Variants in DOCK4 observed in about 807,000 individuals in gnomAD.
DOCK4 encodes dedicator of cytokinesis protein 4.
DOCK4 carries 97 observed loss-of-function variants against 268.1 expected under a neutral mutation model. That is an observed-to-expected ratio of 0.36 (90% confidence interval 0.31 to 0.43). DOCK4 has a LOEUF of 0.43. Ranked by LOEUF, DOCK4 falls within the 20% of genes least tolerant of loss-of-function variation. The pLI is 1.00. For missense variants in DOCK4, 2,145 were observed against 2,455.7 expected, an observed-to-expected ratio of 0.87 and a Z score of 2.67; for synonymous variants, 954 against 887.2, an observed-to-expected ratio of 1.08 and a Z score of -1.34.
intron 30 of DOCK4, among the ~76,000 whole-genome samples, chr7:111,800,223 TA>T (rs562610418): frequency 1.6e-3 from 219 of 138,586 alleles, no homozygotes; most frequent in African/African-American, 1.9e-3. Flanking sequence ...ATACTTGTCC[TA>T]AAAAAAAAAA....
At chr7:112,161,911 C>CA (rs1737600388) in intron 1 of DOCK4, among the ~76,000 whole-genome samples, 1 of 152,190 alleles carries the variant, frequency 6.6e-6, no homozygotes, top group South Asian at 2.1e-4. Context: ...ATTCTGAACT[C>CA]ACAGTTGCTA....
intron 46 of DOCK4, 43 bp from the exon 47 acceptor site, chr7:111,741,257 ATTG>A (rs1242146488): frequency 3.7e-6 from 6 of 1,609,020 alleles, no homozygotes; most frequent in Non-Finnish European, 5.1e-6. Context: ...CAGTCTCCAA[ATTG>A]TACTTTATCA....
At chr7:112,052,601 T>A (rs1343737098) in intron 1 of DOCK4, among the ~76,000 whole-genome samples, 1 of 152,172 alleles carries the variant, frequency 6.6e-6, no homozygotes, top group Non-Finnish European at 1.5e-5. Context: ...CAATTTACCA[T>A]CTGTATCTTT....
intron 1 of DOCK4, among the ~76,000 whole-genome samples, chr7:112,120,125 G>T (rs1179942681): frequency 6.6e-6 from 1 of 152,150 alleles, no homozygotes; most frequent in Non-Finnish European, 1.5e-5. Flanking sequence ...GGGATTACAA[G>T]ATTGCTCTTT....
In DOCK4 at chr7:111,728,524, A is replaced by G. The variant is rs1794823898; in HGVS notation, c.5678T>C (p.Val1893Ala). 2 of 1,613,304 alleles carry G rather than the reference A, an allele frequency of 1.2e-6. No homozygotes were observed. Among genetic ancestry groups the G allele is most frequent in the Admixed American group, 1.7e-5 (1 of 60,008 alleles). ...TGGCTCCTCCCCGCCGTAGCTCGGC[A>G]CGGGCACCGGCACTGGCACCGGCAG... is the stretch of plus-strand genomic sequence containing the variant. Reference protein sequence around the residue: ...APLPVPVPVPVPSYGGEEPVR... With the variant: ...APLPVPVPVPAPSYGGEEPVR... The change falls in exon 53 of 53, where the codon GTG becomes GCG. Residue 1893 changes from valine (V) to alanine (A), a missense_variant. Val to Ala is a moderately conservative substitution (Grantham distance 64). Around this residue, in one of 2 missense-constraint regions of DOCK4, gnomAD observed 547 missense variants for 469.0 expected, o/e 1.17. Coordinates refer to ENST00000428084, the MANE Select transcript of DOCK4 (RefSeq NM_001363540.2).
At chr7:111,740,057 A>G in intron 47 of DOCK4, 1 of 431,474 alleles carries the variant, frequency 2.3e-6, no homozygotes, top group South Asian at 1.6e-5. Context: ...TCTGATATGT[A>G]CATAAGTAAA....
chr7:112,096,776 G>T (rs1350829898), intron 1 of DOCK4, among the ~76,000 whole-genome samples: 6 of 152,188 alleles, frequency 3.9e-5, no homozygotes, highest in African/African-American at 9.7e-5. Context: ...GTTAGTAAAG[G>T]TCCCAGTGAG....
intron 1 of DOCK4, among the ~76,000 whole-genome samples, chr7:112,078,936 G>A (rs1455575257): frequency 6.6e-6 from 1 of 152,066 alleles, no homozygotes; most frequent in Non-Finnish European, 1.5e-5. Context: ...GACCAGTCTG[G>A]GTAACATGGC....
At chr7:111,915,687 C>T in intron 13 of DOCK4, 92 bp downstream of exon 13, 3 of 1,407,718 alleles carry the variant, frequency 2.1e-6, no homozygotes, top group Non-Finnish European at 2.9e-6. Context: ...CATGTGAATG[C>T]TTCAAAGCTG....
At chr7:111,947,656 G>C (rs569733982) in intron 8 of DOCK4, among the ~76,000 whole-genome samples, 1 of 152,010 alleles carries the variant, frequency 6.6e-6, no homozygotes, top group South Asian at 2.1e-4. Context: ...TATAATTCAA[G>C]GAAAATGACT....
intron 1 of DOCK4, among the ~76,000 whole-genome samples, chr7:112,015,283 G>A (rs1801720693): frequency 6.6e-6 from 1 of 152,204 alleles, no homozygotes. Flanking sequence ...ACATCTGGAA[G>A]TTACCCTACA....
rs982533316 is a variant in DOCK4 at position 111,953,148 on chromosome 7, G to A, written c.702-7350C>T. Among the ~76,000 whole-genome samples the A allele has an allele frequency of 1.1e-4, 16 of 151,718 alleles. 1 individual carries two copies. The highest frequency in any genetic ancestry group is 9.9e-4 in the Admixed American group (15 of 15,222). On this transcript the variant is annotated intron_variant, in intron 8 of 52. Transcript: ENST00000428084. The stretch of plus-strand genomic sequence containing the variant: ...AGACACAGGTGGGAGGATCACTTGA[G>A]CCCAGGAGGCAGAGGTTGCAATGAG...
intron 20 of DOCK4, 83 bp downstream of exon 20, chr7:111,871,907 T>A (rs1806458027): frequency 2.2e-5 from 25 of 1,150,358 alleles, no homozygotes; most frequent in Non-Finnish European, 3.0e-5. Flanking sequence ...CACTCCCTTT[T>A]AAATTTTCCT....
chr7:111,924,245 C>T (rs1177689728), intron 12 of DOCK4, among the ~76,000 whole-genome samples: 2 of 152,100 alleles, frequency 1.3e-5, no homozygotes, highest in East Asian at 3.8e-4. Context: ...CATTTTATCA[C>T]AATTCATCTT....
intron 1 of DOCK4, among the ~76,000 whole-genome samples, chr7:112,201,346 G>A (rs151072429): frequency 1.1e-3 from 171 of 152,156 alleles, no homozygotes; most frequent in Non-Finnish European, 4.6e-4. Context: ...AGTGATACTC[G>A]CACCACACAA....
intron 1 of DOCK4, among the ~76,000 whole-genome samples, chr7:112,180,556 C>T (rs1818933416): frequency 6.6e-6 from 1 of 152,168 alleles, no homozygotes; most frequent in Admixed American, 6.6e-5. Context: ...CTTAGAAAAT[C>T]ACCTCAGAGA....
intron 1 of DOCK4, among the ~76,000 whole-genome samples, chr7:112,094,443 T>C (rs771697820): frequency 4.6e-5 from 7 of 152,232 alleles, no homozygotes. Context: ...AGGGAATCTC[T>C]AGTGGCTATC....
intron 30 of DOCK4, among the ~76,000 whole-genome samples, chr7:111,797,042 C>G (rs979173448): frequency 2.6e-5 from 4 of 152,230 alleles, no homozygotes; most frequent in Non-Finnish European, 4.4e-5. Flanking sequence ...CTTTTATTCT[C>G]ACTTCTTTTT....
chr7:111,836,111 T>C (rs891188999), intron 25 of DOCK4, among the ~76,000 whole-genome samples: 1 of 151,850 alleles, frequency 6.6e-6, no homozygotes, highest in Non-Finnish European at 1.5e-5. Flanking sequence ...GTGTGTAAGG[T>C]AGTAACCCAA....
Sources: allele counts gnomAD v4.1 joint callset (sites outside exome capture counted in the v4.1 genomes callset), GRCh38; gene constraint gnomAD v4.1.1; regional missense constraint gnomAD v4.1.1; transcripts MANE v1.5; gene names NCBI Gene and HGNC (gene_info 2026-07-23, HGNC 2026-07-21).